Variants in CREBBP observed in about 807,000 individuals in gnomAD.
CREBBP encodes the protein CREB binding lysine acetyltransferase.
Under a neutral mutation model 265.0 loss-of-function variants are expected in CREBBP, and 19 were observed. The ratio of observed to expected loss-of-function variants is 0.07; its 90% CI spans 0.05 to 0.11. The LOEUF (loss-of-function observed/expected upper bound fraction) is 0.11, where lower values mean the gene tolerates loss of function less well. CREBBP is among the 10% of genes least tolerant of loss of function. The pLI is 1.00. For synonymous variants in CREBBP, 1,457 were observed against 1,223.7 expected (o/e 1.19, Z -3.98); for missense variants, 2,525 against 3,219.0 (o/e 0.78, Z 5.22).
intron 3 of CREBBP, among the ~76,000 whole-genome samples, chr16:3,795,002 T>A (rs1414232010): frequency 6.6e-6 from 1 of 152,248 alleles, no homozygotes; most frequent in Non-Finnish European, 1.5e-5. Flanking sequence ...TAATTTTTAA[T>A]GAATCAAAGC....
rs545102672 is a variant in CREBBP at position 3,753,299 on chromosome 16, C to T, written c.3699-1493G>A. 8.1e-4 allele frequency among the ~76,000 whole-genome samples: 124 copies of T among 152,296 alleles called. 1 individual carries two copies. Among genetic ancestry groups the T allele is most frequent in the African/African-American group, 2.8e-3 (117 of 41,562 alleles). On this transcript the variant is annotated intron_variant, in intron 19 of 30. Transcript: ENST00000262367. ...TCCCAAATCTAATCTTAATTCAATA[C>T]ATTGAGCATTTTGTCTGTTGTATTT...
At chr16:3,736,590 A>C (rs1358541550) in intron 27 of CREBBP, 60 bp downstream of exon 27, 1 of 1,607,600 alleles carries the variant, frequency 6.2e-7, no homozygotes, top group Non-Finnish European at 8.5e-7. Flanking sequence ...AGAAAAAGGC[A>C]CACAAATATC....
intron 3 of CREBBP, among the ~76,000 whole-genome samples, chr16:3,793,830 A>G (rs2053553723): frequency 6.6e-6 from 1 of 152,136 alleles, no homozygotes; most frequent in Non-Finnish European, 1.5e-5. Context: ...GGCTGATTCA[A>G]GTTCACTTGT....
chr16:3,765,944 A>T (rs1451292897), intron 16 of CREBBP, among the ~76,000 whole-genome samples: 1 of 152,132 alleles, frequency 6.6e-6, no homozygotes, highest in Non-Finnish European at 1.5e-5. Context: ...CTTCCCCCTC[A>T]GCCTCCCAAA....
Position 3,766,611 on chromosome 16 carries a change from A to T in CREBBP, c.3250+1109T>A, listed in dbSNP as rs1001697254. ...TGTGATCTGGGCTCACTGCAGCCTC[A>T]AACTCCTAGGCTCAGGCAATCCTGC... On this transcript the variant is annotated intron_variant, in intron 16 of 30. Transcript: ENST00000262367. Among the ~76,000 whole-genome samples the T allele has an allele frequency of 1.4e-4, 22 of 152,000 alleles. 1 individual carries two copies. Among genetic ancestry groups the T allele is most frequent in the African/African-American group, 5.3e-4 (22 of 41,366 alleles).
Position 3,742,873 on chromosome 16 carries a change from A to G in CREBBP, c.3982+2021T>C, listed in dbSNP as rs144725951. The G allele has an allele frequency of 6.9e-3, 1,043 of 152,180 alleles. 12 individuals are homozygous for G. Among genetic ancestry groups the G allele is most frequent in the Middle Eastern group, 0.017 (5 of 294 alleles). 9.4% of individuals were successfully genotyped at this position (152,180 alleles called of 1,614,324 possible). On this transcript the variant is annotated intron_variant, in intron 23 of 30. Transcript: ENST00000262367. ...ACCGAATGCCCACGGGTCTTTCTGG[A>G]TGCTGCGGTGGGAGGGGGCTGGACC...
At chr16:3,730,229 C>G (rs1392179708) in intron 30 of CREBBP, among the ~76,000 whole-genome samples, 5 of 152,186 alleles carry the variant, frequency 3.3e-5, no homozygotes, top group African/African-American at 1.2e-4. Context: ...AGCTCACGGA[C>G]AGTAGACACC....
chr16:3,860,622 T>C (rs949689457), intron 1 of CREBBP, among the ~76,000 whole-genome samples: 1 of 152,184 alleles, frequency 6.6e-6, no homozygotes, highest in Admixed American at 6.5e-5. Context: ...CAAAACATCA[T>C]GTTGTATATG....
intron 7 of CREBBP, 142 bp downstream of exon 7, chr16:3,781,062 G>T: frequency 9.7e-7 from 1 of 1,027,070 alleles, no homozygotes; most frequent in Non-Finnish European, 1.5e-6. Context: ...TATAATTAAA[G>T]AAAAAAAGGA....
intron 23 of CREBBP, among the ~76,000 whole-genome samples, chr16:3,744,161 C>A (rs1056340694): frequency 6.6e-6 from 1 of 152,212 alleles, no homozygotes; most frequent in Non-Finnish European, 1.5e-5. Context: ...GCACCACCAG[C>A]TGCAGTAACA....
At chr16:3,851,856 G>A (rs1359446417) in intron 1 of CREBBP, among the ~76,000 whole-genome samples, 2 of 86,288 alleles carry the variant, frequency 2.3e-5, no homozygotes, top group Non-Finnish European at 3.9e-5. Flanking sequence ...GCGAGACTCC[G>A]TCTCAAAAAA....
chr16:3,839,876 G>T (rs2054533635), intron 2 of CREBBP, among the ~76,000 whole-genome samples: 1 of 151,804 alleles, frequency 6.6e-6, no homozygotes, highest in Non-Finnish European at 1.5e-5. Flanking sequence ...AAAGAGAAAA[G>T]AAAAGAAAAG....
At chr16:3,744,296 G>GC (rs1034126358) in intron 23 of CREBBP, among the ~76,000 whole-genome samples, 3 of 152,116 alleles carry the variant, frequency 2.0e-5, no homozygotes, top group Non-Finnish European at 4.4e-5. Flanking sequence ...ACCCACGGCA[G>GC]CCCACATAGG....
intron 2 of CREBBP, among the ~76,000 whole-genome samples, chr16:3,827,456 A>G (rs1190702649): frequency 6.6e-6 from 1 of 152,094 alleles, no homozygotes; most frequent in Non-Finnish European, 1.5e-5. Flanking sequence ...CAGTGACGCA[A>G]TCTCGGCTCA....
At position 3,732,709 on chromosome 16, in the gene CREBBP, A is replaced by AT. The variant is rs200784282; in HGVS notation, c.4729-773dup. ...CCGCCACCATGCCCGGCTACCTATC[A>AT]TTTTTTTTGAGACAGAGTCTCGCTC... On this transcript the variant is annotated intron_variant, in intron 28 of 30. Transcript: ENST00000262367. 3.0e-3 allele frequency among the ~76,000 whole-genome samples: 460 copies of AT among 151,176 alleles called. 3 individuals carry two copies. Among genetic ancestry groups the AT allele is most frequent in the African/African-American group, 9.7e-3 (401 of 41,188 alleles).
intron 16 of CREBBP, among the ~76,000 whole-genome samples, chr16:3,759,944 A>G (rs1184569270): frequency 6.6e-6 from 1 of 152,132 alleles, no homozygotes; most frequent in Non-Finnish European, 1.5e-5. Flanking sequence ...TCGGTGTGGG[A>G]GGCCGGCCAG....
chr16:3,862,095 CTCTAA>C (rs2055088668), intron 1 of CREBBP, among the ~76,000 whole-genome samples: 1 of 152,176 alleles, frequency 6.6e-6, no homozygotes, highest in Admixed American at 6.5e-5. Flanking sequence ...GAGGACTGTA[CTCTAA>C]TTGAGGAAGA....
In CREBBP at chr16:3,727,892, G is replaced by A. The variant is rs763948946; in HGVS notation, c.7155C>T (p.Pro2385=). 9 of 1,613,026 alleles carry A rather than the reference G, an allele frequency of 5.6e-6. No individual in the cohort carries two copies. The highest frequency in any genetic ancestry group is 2.2e-5 in the East Asian group (1 of 44,874). Residue 2385 remains proline, a synonymous_variant, in exon 31 of 31, where the codon CCC becomes CCT. Transcript: ENST00000262367. ...HVSPQTGSPH[P]GLAVTMASSI... Reference sequence around the variant, plus strand: ...AGCTGGCCATGGTGACTGCGAGTCCGGGGTGGGGGGAACCAGTCTGGGGTG... The same window carrying A: ...AGCTGGCCATGGTGACTGCGAGTCCAGGGTGGGGGGAACCAGTCTGGGGTG...
chr16:3,826,606 A>G (rs2054241856), intron 2 of CREBBP, among the ~76,000 whole-genome samples: 1 of 152,186 alleles, frequency 6.6e-6, no homozygotes, highest in Admixed American at 6.5e-5. Context: ...GCCCAGTCTT[A>G]CCATGAGAAA....
Sources: gnomAD v4.1 joint callset for allele counts (sites outside exome capture counted in the v4.1 genomes callset) on GRCh38, gnomAD v4.1.1 for gene constraint, MANE v1.5 for transcripts, NCBI Gene and HGNC (gene_info 2026-07-23, HGNC 2026-07-21) for gene names.